The following NSUN2 variants were observed in gnomAD, a reference collection of about 807,000 sequenced individuals.
NSUN2 encodes NOP2/Sun RNA methyltransferase 2, also known as RNA cytosine C(5)-methyltransferase NSUN2.
NSUN2 carries 63 observed loss-of-function variants against 92.7 expected under a neutral mutation model. That is an observed-to-expected ratio of 0.68 (90% CI 0.56 to 0.84). The LOEUF is 0.84. Ranked by LOEUF, NSUN2 falls within the 40% of genes least tolerant of loss-of-function variation. The pLI, the probability that NSUN2 is intolerant of heterozygous loss-of-function variation, is 0.00. For missense variants in NSUN2, 989 were observed against 964.9 expected (o/e 1.02, Z -0.33); for synonymous variants, 356 against 348.3 (o/e 1.02, Z -0.25).
At chr5:6,609,691 C>A in intron 12 of NSUN2, 135 bp downstream of exon 12, 1 of 650,134 alleles carries the variant, frequency 1.5e-6, no homozygotes, top group Non-Finnish European at 2.7e-6. Context: ...AATTCCCCCT[C>A]ATTCAGGGTC....
intron 10 of NSUN2, 126 bp downstream of exon 10, chr5:6,611,599 T>C (rs778019513): frequency 1.5e-5 from 11 of 716,020 alleles, no homozygotes; most frequent in Non-Finnish European, 2.4e-5. Context: ...CCGAAATTGA[T>C]TCTAATTGGC....
rs145676354 is a variant in NSUN2, at chr5:6,616,290, G to A, written c.1021+437C>T. 8.0e-4 allele frequency among the ~76,000 whole-genome samples: 122 copies of A among 152,286 alleles called. 1 individual carries two copies. The highest frequency in any genetic ancestry group is 2.9e-3 in the African/African-American group (119 of 41,558). The stretch of plus-strand genomic sequence containing the variant: ...CAGATGGATGGGTAAACAAAATGCG[G>A]TTTATATAAACAACAGAATAGTGTT... On this transcript the variant is annotated intron_variant, in intron 9 of 18. Coordinates refer to ENST00000264670, the MANE Select transcript of NSUN2 (RefSeq NM_017755.6).
chr5:6,622,225 T>C, intron 5 of NSUN2, 125 bp from the exon 6 acceptor site: 4 of 691,668 alleles, frequency 5.8e-6, no homozygotes, highest in South Asian at 1.9e-5. Flanking sequence ...ACAGAGTCTA[T>C]AGCATGACAT....
At chr5:6,629,545 C>A (rs1489563605) in intron 3 of NSUN2, among the ~76,000 whole-genome samples, 1 of 152,196 alleles carries the variant, frequency 6.6e-6, no homozygotes, top group Admixed American at 6.5e-5. Context: ...CTTCTAAACA[C>A]AAGGTTTTAG....
intron 18 of NSUN2, among the ~76,000 whole-genome samples, chr5:6,601,251 A>G (rs536584136): frequency 6.6e-6 from 1 of 152,284 alleles, no homozygotes; most frequent in Non-Finnish European, 1.5e-5. Context: ...GGAAAAGTGA[A>G]TCCACACCTT....
chr5:6,617,998 A>G lies in NSUN2; in HGVS notation c.842T>C (p.Ile281Thr), dbSNP rs768896399. ...GGTGGTCCACTTTTTCCAAACATCA[A>G]TGTTTTTTCTCATAGTGCCGTCTCC... is the stretch of plus-strand genomic sequence containing the variant. ...CSGDGTMRKN[I>T]DVWKKWTTLN... The change falls in exon 8 of 19, where the codon ATT becomes ACT. Residue 281 changes from isoleucine (I) to threonine (T), a missense_variant. This residue lies in a region of NSUN2 where 626 missense variants were observed against 602.3 expected (regional missense o/e 1.04). Transcript: ENST00000264670. The G allele has an allele frequency of 2.6e-5, 42 of 1,613,652 alleles. No individual in the cohort carries two copies. Among genetic ancestry groups the G allele is most frequent in the African/African-American group, 4.0e-5 (3 of 74,898 alleles).
intron 10 of NSUN2, 147 bp from the exon 11 acceptor site, chr5:6,611,232 C>G (rs1454372142): frequency 8.2e-6 from 7 of 858,712 alleles, no homozygotes; most frequent in Non-Finnish European, 1.0e-5. Flanking sequence ...CAAGACAAAA[C>G]AAAACAATCT....
chr5:6,600,316 AAGAAAACCAC>A (rs1313690873), intron 18 of NSUN2, 84 bp from the exon 19 acceptor site: 2 of 1,299,308 alleles, frequency 1.5e-6, no homozygotes, highest in Non-Finnish European at 2.1e-6. Flanking sequence ...CTGCTTAAAA[AAGAAAACCAC>A]AGAAAACCCA....
chr5:6,602,587 A>C, intron 17 of NSUN2, 87 bp from the exon 18 acceptor site: 2 of 1,137,470 alleles, frequency 1.8e-6, no homozygotes, highest in Non-Finnish European at 2.7e-6. Context: ...GTGATGTGTT[A>C]AGTATTCTGA....
intron 17 of NSUN2, 98 bp downstream of exon 17, chr5:6,604,040 T>C (rs1207214156): frequency 1.8e-6 from 2 of 1,083,740 alleles, no homozygotes; most frequent in East Asian, 2.4e-5. Context: ...AACTGAAAAC[T>C]ATGATTGATA....
rs769743124 is a variant in NSUN2 at position 6,620,306 on chromosome 5, C to A, written c.623-8G>T. The A allele has an allele frequency of 3.2e-6, 5 of 1,564,624 alleles. No homozygotes were observed. The highest frequency in any genetic ancestry group is 4.3e-6 in the Non-Finnish European group (5 of 1,154,740). On this transcript the variant is annotated splice_polypyrimidine_tract_variant and splice_region_variant and intron_variant, in intron 6 of 18. Transcript: ENST00000264670. ...TCGCAATAACAAATCCCTCTGAAGG[C>A]ACAGAATTGCAGTGTCAGGTGAAAT...
At chr5:6,602,576 A>C in intron 17 of NSUN2, 76 bp from the exon 18 acceptor site, 5 of 1,239,266 alleles carry the variant, frequency 4.0e-6, no homozygotes, top group Non-Finnish European at 6.0e-6. Flanking sequence ...TTCTGCACCT[A>C]GTGATGTGTT....
At chr5:6,623,364 C>T in intron 4 of NSUN2, 79 bp from the exon 5 acceptor site, 1 of 1,262,504 alleles carries the variant, frequency 7.9e-7, no homozygotes, top group Non-Finnish European at 1.1e-6. Flanking sequence ...GGCATTGTTT[C>T]AAAGGCAACA....
rs73737147 is a variant in NSUN2, at chr5:6,623,686, C to T, written c.466-401G>A. 3.2e-3 allele frequency among the ~76,000 whole-genome samples: 490 copies of T among 152,234 alleles called. 3 individuals are homozygous for T. Among genetic ancestry groups the T allele is most frequent in the African/African-American group, 0.011 (471 of 41,528 alleles). On this transcript the variant is annotated intron_variant, in intron 4 of 18. Coordinates refer to ENST00000264670, the MANE Select transcript of NSUN2 (RefSeq NM_017755.6). ...GAAAGTGACTGTCAAATGGTTTTTC[C>T]TTCTTGCCTAAAATTCTATTTCTTA...
intron 9 of NSUN2, among the ~76,000 whole-genome samples, chr5:6,612,822 C>T (rs1393260857): frequency 6.6e-6 from 1 of 152,220 alleles, no homozygotes; most frequent in Non-Finnish European, 1.5e-5. Flanking sequence ...GGGCAGGCAG[C>T]AGGTGTTATC....
intron 18 of NSUN2, among the ~76,000 whole-genome samples, chr5:6,601,664 C>G (rs535147312): frequency 6.6e-6 from 1 of 152,284 alleles, no homozygotes; most frequent in African/African-American, 2.4e-5. Flanking sequence ...GCCTCAGGAT[C>G]TGCGCTTTGG....
intron 9 of NSUN2, among the ~76,000 whole-genome samples, 171 bp downstream of exon 9, chr5:6,616,556 G>A (rs1482407244): frequency 7.4e-6 from 1 of 134,680 alleles, no homozygotes; most frequent in Admixed American, 7.5e-5. Flanking sequence ...GCAAGGTGAA[G>A]ATTTCTGGAG....
rs1403773176 is a variant in NSUN2, at chr5:6,632,935, C to A, written c.45G>T (p.Arg15=). 6.6e-7 allele frequency: 1 copy of A among 1,510,922 alleles called. No individual in the cohort carries two copies. Among genetic ancestry groups the A allele is most frequent in the South Asian group, 1.2e-5 (1 of 81,596 alleles). 93.6% of individuals were successfully genotyped at this position (1,510,922 alleles called of 1,614,324 possible). The change falls in exon 1 of 19, where the codon CGG becomes CGT. Residue 15 remains arginine (R), a synonymous_variant. Coordinates refer to ENST00000264670, the MANE Select transcript of NSUN2 (RefSeq NM_017755.6). ...CGGCGCCATCCTCCGCGTCCTCCGG[C>A]CGCTGCTGTTGCTGGAGCCGCCGAC... is the stretch of plus-strand genomic sequence containing the variant. ...SRGRRLQQQQ[R]PEDAEDGAEG...
In NSUN2 at chr5:6,632,627, C is replaced by G; in HGVS notation, c.226G>C (p.Ala76Pro). The G allele has an allele frequency of 6.2e-7, 1 of 1,614,176 alleles. No homozygotes were observed. Among genetic ancestry groups the G allele is most frequent in the South Asian group, 1.1e-5 (1 of 91,082 alleles). Residue 76 changes from alanine to proline, a missense_variant, in exon 2 of 19, where the codon GCC becomes CCC. Transcript: ENST00000264670. ...FMDALREPLP[A>P]TLRITGYKSH... ...TTGTAACCAGTAATTCTTAAAGTGGCCGGGAGCGGCTCCCTGAGAGCGTCC... is the reference window on the plus strand; with the variant it reads ...TTGTAACCAGTAATTCTTAAAGTGGGCGGGAGCGGCTCCCTGAGAGCGTCC...
Sources: gnomAD v4.1 joint callset for allele counts (sites outside exome capture counted in the v4.1 genomes callset) on GRCh38, gnomAD v4.1.1 for gene constraint, gnomAD v4.1.1 regional missense constraint, MANE v1.5 for transcripts, NCBI Gene and HGNC (gene_info 2026-07-23, HGNC 2026-07-21) for gene names.